The following TRPM3 variants were observed in gnomAD, a reference collection of about 807,000 sequenced individuals.
TRPM3 encodes the protein transient receptor potential cation channel subfamily M member 3.
TRPM3 carries 77 observed loss-of-function variants against 181.2 expected under a neutral mutation model. The observed-to-expected ratio is 0.42, with a 90% CI of 0.35 to 0.51. The LOEUF (loss-of-function observed/expected upper bound fraction) is 0.51. TRPM3 is among the 20% of genes least tolerant of loss of function. The pLI, the probability that TRPM3 is intolerant of heterozygous loss-of-function variation, is 0.01. For synonymous variants in TRPM3, 745 were observed against 796.4 expected (o/e 0.94, Z 1.09); for missense variants, 1,759 against 2,196.7 (o/e 0.80, Z 3.98).
At chr9:70,989,150 T>C (rs1302657545) in intron 1 of TRPM3, among the ~76,000 whole-genome samples, 2 of 152,332 alleles carry the variant, frequency 1.3e-5, no homozygotes, top group East Asian at 1.9e-4. Flanking sequence ...ATACACTATA[T>C]ACATATCATG....
Position 71,324,734 on chromosome 9 carries a change from T to A in TRPM3, c.183+121919A>T, listed in dbSNP as rs11142800. 2.3e-3 allele frequency among the ~76,000 whole-genome samples: 347 copies of A among 152,168 alleles called. 1 individual carries two copies. Among genetic ancestry groups the A allele is most frequent in the Non-Finnish European group, 4.0e-3 (271 of 67,980 alleles). On this transcript the variant is annotated intron_variant, in intron 1 of 24. Coordinates refer to the TRPM3 transcript ENST00000357533. Reference sequence around the variant, plus strand: ...ACCAACCTAAGTGTCGACTGGCAGATAAACGCATAAAGAAAGTGTGGTATA... The same window carrying A: ...ACCAACCTAAGTGTCGACTGGCAGAAAAACGCATAAAGAAAGTGTGGTATA...
intron 22 of TRPM3, among the ~76,000 whole-genome samples, chr9:70,586,558 A>G (rs2057164573): frequency 6.6e-6 from 1 of 152,222 alleles, no homozygotes; most frequent in African/African-American, 2.4e-5. Context: ...ATTTGTGAAA[A>G]CAAAACCCAA....
chr9:70,779,630 A>G (rs967982617), intron 7 of TRPM3, among the ~76,000 whole-genome samples: 4 of 152,194 alleles, frequency 2.6e-5, no homozygotes, highest in African/African-American at 9.6e-5. Context: ...ATCCCCAACT[A>G]TGAGTACTAC....
chr9:71,151,825 A>G (rs1291040174), intron 1 of TRPM3, among the ~76,000 whole-genome samples: 2 of 152,136 alleles, frequency 1.3e-5, no homozygotes, highest in Non-Finnish European at 2.9e-5. Flanking sequence ...GCTCCAAGTG[A>G]AAAAGGCAAG....
chr9:70,701,405 C>T (rs2134693244), intron 8 of TRPM3, among the ~76,000 whole-genome samples: 1 of 152,244 alleles, frequency 6.6e-6, no homozygotes, highest in Admixed American at 6.5e-5. Flanking sequence ...ACTGACTGTG[C>T]CTCCCTGATT....
At chr9:71,249,217 A>G (rs917864443) in intron 1 of TRPM3, among the ~76,000 whole-genome samples, 2 of 152,214 alleles carry the variant, frequency 1.3e-5, no homozygotes, top group African/African-American at 4.8e-5. Context: ...GCCAAAACAA[A>G]TAAGTTAATG....
chr9:71,026,146 A>T (rs553572172), intron 1 of TRPM3, among the ~76,000 whole-genome samples: 2 of 152,292 alleles, frequency 1.3e-5, no homozygotes, highest in South Asian at 4.1e-4. Context: ...ATAGTGGAGC[A>T]TGGCCAGGAG....
intron 1 of TRPM3, among the ~76,000 whole-genome samples, chr9:71,325,214 A>AC (rs2089579947): frequency 6.6e-6 from 1 of 152,162 alleles, no homozygotes. Context: ...AAACAAACAG[A>AC]CCTCTAACAC....
intron 1 of TRPM3, among the ~76,000 whole-genome samples, chr9:71,369,824 A>G (rs767800306): frequency 2.6e-5 from 4 of 152,208 alleles, no homozygotes; most frequent in African/African-American, 7.2e-5. Context: ...TGCTTCATGG[A>G]CAATGCGCTT....
intron 9 of TRPM3, among the ~76,000 whole-genome samples, chr9:70,672,035 T>C (rs979671560): frequency 4.0e-5 from 6 of 151,632 alleles, no homozygotes; most frequent in African/African-American, 1.2e-4. Flanking sequence ...CTCCCAAAAG[T>C]ACTCCTTTTA....
At chr9:70,967,368 T>C (rs1344732818) in intron 1 of TRPM3, among the ~76,000 whole-genome samples, 1 of 151,098 alleles carries the variant, frequency 6.6e-6, no homozygotes, top group Non-Finnish European at 1.5e-5. Flanking sequence ...TGAATTTGGA[T>C]GGTAAGACAT....
intron 9 of TRPM3, among the ~76,000 whole-genome samples, chr9:70,653,654 G>A (rs147564862): frequency 7.8e-4 from 98 of 125,818 alleles, no homozygotes; most frequent in African/African-American, 2.7e-3. Context: ...TATGCACTTG[G>A]TTTCTGAGTT....
At chr9:70,578,618 TGTC>T (rs1382753119) in intron 22 of TRPM3, among the ~76,000 whole-genome samples, 1 of 152,212 alleles carries the variant, frequency 6.6e-6, no homozygotes, top group Non-Finnish European at 1.5e-5. Context: ...CAGAGGGAGA[TGTC>T]GTGAAACCCT....
At chr9:70,557,408 G>C (rs17536685) in intron 22 of TRPM3, among the ~76,000 whole-genome samples, 35,468 of 152,146 alleles carry the variant, frequency 0.23, 4,828 homozygotes, top group Admixed American at 0.31. Flanking sequence ...AGCAAAGAAA[G>C]AGCATTATAT....
chr9:70,676,699 A>G (rs1424959192), intron 9 of TRPM3, among the ~76,000 whole-genome samples: 1 of 152,162 alleles, frequency 6.6e-6, no homozygotes, highest in Non-Finnish European at 1.5e-5. Flanking sequence ...AGAAATAGAA[A>G]TGATGTTGGG....
chr9:70,915,596 C>T (rs1049371721), intron 1 of TRPM3, among the ~76,000 whole-genome samples: 25 of 151,790 alleles, frequency 1.6e-4, no homozygotes, highest in Admixed American at 4.6e-4. Flanking sequence ...TGAGCCACCA[C>T]GCCTGGCCAC....
At chr9:71,443,943 G>A in intron 1 of TRPM3, among the ~76,000 whole-genome samples, 1 of 152,134 alleles carries the variant, frequency 6.6e-6, no homozygotes, top group East Asian at 1.9e-4. Flanking sequence ...CACTTCGGGA[G>A]GCCAAGGCGG....
intron 1 of TRPM3, among the ~76,000 whole-genome samples, chr9:71,325,167 A>T: frequency 6.6e-6 from 1 of 152,174 alleles, no homozygotes. Flanking sequence ...TGTACAAGTA[A>T]CAAATACATT....
At chr9:70,658,100 A>G (rs1426268067) in intron 9 of TRPM3, among the ~76,000 whole-genome samples, 1 of 152,194 alleles carries the variant, frequency 6.6e-6, no homozygotes, top group African/African-American at 2.4e-5. Flanking sequence ...TAAGATTGCA[A>G]TTTTATAGAT....
Sources: gnomAD v4.1 joint callset for allele counts (sites outside exome capture counted in the v4.1 genomes callset) on GRCh38, gnomAD v4.1.1 for gene constraint, MANE v1.5 for transcripts, NCBI Gene and HGNC (gene_info 2026-07-23, HGNC 2026-07-21) for gene names.